The following CFAP46 variants were observed in gnomAD, a reference collection of about 807,000 sequenced individuals.
The protein encoded by CFAP46 is cilia and flagella associated protein 46, also known as cilia- and flagella-associated protein 46.
A neutral mutation model predicts 325.7 loss-of-function variants in CFAP46; 245 were observed. The observed-to-expected ratio is 0.75, with a 90% CI of 0.68 to 0.84. CFAP46 has a LOEUF of 0.84. Ranked by LOEUF, CFAP46 falls within the 40% of genes least tolerant of loss-of-function variation. The probability of loss-of-function intolerance (pLI) is 0.00; values close to 1 mark genes in which losing one functional copy is unlikely to be tolerated. For synonymous variants in CFAP46, 1,523 were observed against 1,495.9 expected (o/e 1.02, Z -0.42); for missense variants, 3,346 against 3,543.0 (o/e 0.94, Z 1.41).
At chr10:132,833,689 G>T (rs527933251) in intron 49 of CFAP46, among the ~76,000 whole-genome samples, 164 bp from the exon 50 acceptor site, 1 of 152,250 alleles carries the variant, frequency 6.6e-6, no homozygotes, top group Non-Finnish European at 1.5e-5. Flanking sequence ...ACGGGGCGAG[G>T]AACAGCCTCC....
rs141789421 is a variant in CFAP46, at chr10:132,851,205, G to A, written c.5675C>T (p.Ala1892Val). The change falls in exon 40 of 58, where the codon GCC becomes GTC. Residue 1892 changes from alanine (A) to valine (V), a missense_variant. Physicochemically the swap from Ala to Val is moderately conservative, Grantham distance 64 (BLOSUM62 0). Transcript: ENST00000368586. ...CCCCTGCTCACTCTGCTGCCCGTGG[G>A]CCTCCTCCCAGATGAACTGGAGCAT... is the stretch of plus-strand genomic sequence containing the variant. ...LDMLQFIWEE[A>V]HGQQSEQGSL... The A allele has an allele frequency of 3.0e-4, 478 of 1,614,098 alleles. 6 individuals carry two copies. The East Asian group carries it at 0.01, about 35-fold the overall frequency.
At chr10:132,922,380 A>T in intron 12 of CFAP46, 100 bp downstream of exon 12, 5 of 1,446,864 alleles carry the variant, frequency 3.5e-6, no homozygotes, top group Non-Finnish European at 4.6e-6. Flanking sequence ...TGCTTCAGGC[A>T]GCCCTGGGCG....
rs1848455140 is a variant in CFAP46 at position 132,847,280 on chromosome 10, C to T, written c.5994G>A (p.Glu1998=). ...KLSGLKSLEL[E]VEEEGATKSS... is the part of the protein sequence containing the mutation. ...ACTTTGTGGCACCCTCTTCCTCTAC[C>T]TCCAGCTCCAGAGACTTGAGGCCGC... is the stretch of plus-strand genomic sequence containing the variant. The change falls in exon 42 of 58, where the codon GAG becomes GAA. Residue 1998 remains glutamate, a synonymous_variant. Transcript: ENST00000368586. This position sits in a 1 kb window ranked among gnomAD's most constrained non-coding sequence, Gnocchi z 5.2. 10 of 1,613,476 alleles carry T rather than the reference C, an allele frequency of 6.2e-6. No individual in the cohort carries two copies. The Admixed American group carries it at 1.5e-4, about 24-fold the overall frequency.
In CFAP46 at chr10:132,878,085, A is replaced by G; in HGVS notation, c.4008T>C (p.Val1336=). Residue 1336 remains valine (V), a splice_region_variant and synonymous_variant, in exon 30 of 58, where the codon GTT becomes GTC. Transcript: ENST00000368586. The part of the protein sequence containing the change: ...AYAFFRHIWQ[V]SLMTAGKSVL... Reference sequence around the variant, plus strand: ...CTGATTTTCCTGCTGTCATCAAAGAAACCTGGTGGGGATGAAATCCACATT... The same window carrying G: ...CTGATTTTCCTGCTGTCATCAAAGAGACCTGGTGGGGATGAAATCCACATT... 1 of 1,548,906 alleles carries G rather than the reference A, an allele frequency of 6.5e-7. No homozygotes were observed. Among genetic ancestry groups the G allele is most frequent in the Non-Finnish European group, 8.7e-7 (1 of 1,146,132 alleles).
At chr10:132,868,069 C>A (rs996363601) in intron 33 of CFAP46, among the ~76,000 whole-genome samples, 1 of 152,118 alleles carries the variant, frequency 6.6e-6, no homozygotes, top group African/African-American at 2.4e-5. Context: ...GAGGTCAAGA[C>A]CCAGCAGGCC....
intron 25 of CFAP46, among the ~76,000 whole-genome samples, chr10:132,887,193 C>T (rs1849150465): frequency 1.1e-5 from 1 of 94,288 alleles, no homozygotes; most frequent in African/African-American, 6.5e-5. Context: ...TCTCTCTCTC[C>T]TCTCTCCTCT....
chr10:132,907,428 T>C (rs1369925716), intron 22 of CFAP46, among the ~76,000 whole-genome samples: 2 of 152,216 alleles, frequency 1.3e-5, no homozygotes, highest in Non-Finnish European at 2.9e-5. Context: ...GAGAATGTTC[T>C]GTGTCCAGCT....
At position 132,922,604 on chromosome 10, in the gene CFAP46, C is replaced by T. The variant is rs538355861; in HGVS notation, c.1361G>A (p.Arg454His). Residue 454 changes from arginine (R) to histidine (H), a missense_variant, in exon 12 of 58, where the codon CGC becomes CAC. Transcript: ENST00000368586. ...CCGGTAGAGGCCCAGGCTGTCCAGG[C>T]GCGCGGCTTTCCGGAGGTGCTCCGT... ...PATEHLRKAA[R>H]LDSLGLYRDR... 1.1e-4 allele frequency: 171 copies of T among 1,549,298 alleles called. 1 individual carries two copies. The highest frequency in any genetic ancestry group is 1.0e-3 in the Middle Eastern group (6 of 5,924).
intron 44 of CFAP46, among the ~76,000 whole-genome samples, chr10:132,838,029 C>T (rs1264435513): frequency 6.6e-6 from 1 of 152,000 alleles, no homozygotes; most frequent in Non-Finnish European, 1.5e-5. Context: ...GCCGTGCCCC[C>T]ATGCTCCCCT....
intron 44 of CFAP46, 141 bp downstream of exon 44, chr10:132,845,916 C>T (rs570175596): frequency 5.3e-6 from 5 of 947,674 alleles, no homozygotes; most frequent in Admixed American, 2.6e-5. Context: ...GTGCACATGG[C>T]TGGGGGCACG....
At position 132,832,393 on chromosome 10, in the gene CFAP46, C is replaced by A. The variant is rs55671404; in HGVS notation, c.7117+965G>T. Among the ~76,000 whole-genome samples the A allele has an allele frequency of 3.6e-3, 498 of 139,380 alleles. 12 individuals carry two copies. Among genetic ancestry groups the A allele is most frequent in the Admixed American group, 5.4e-3 (77 of 14,258 alleles). The allele number at this position is 139,380 out of a possible 152,430, so 91.4% of individuals were successfully genotyped here. ...GAGACCCCTGGGCTCTTCCTGCCCC[C>A]CCCCCCCAATGCTGTGGCCTGGAAA... On this transcript the variant is annotated intron_variant, in intron 50 of 57. Transcript: ENST00000368586. The surrounding 1 kb of genome is among the most constrained non-coding windows in gnomAD (Gnocchi z 4.1).
intron 46 of CFAP46, among the ~76,000 whole-genome samples, chr10:132,835,925 T>C (rs1848234546): frequency 1.4e-5 from 1 of 73,186 alleles, no homozygotes; most frequent in South Asian, 7.3e-4. Context: ...CCCCTCCCCC[T>C]GCTCCTGCCC....
intron 22 of CFAP46, among the ~76,000 whole-genome samples, chr10:132,905,318 C>T (rs1849441601): frequency 6.6e-6 from 1 of 152,188 alleles, no homozygotes; most frequent in South Asian, 2.1e-4. Context: ...TCTGTCTCCC[C>T]GCCCTCCCCA....
At chr10:132,824,841 T>C (rs1157826469) in intron 50 of CFAP46, among the ~76,000 whole-genome samples, 1 of 141,190 alleles carries the variant, frequency 7.1e-6, no homozygotes, top group African/African-American at 2.7e-5. Flanking sequence ...GTGTGCTGTG[T>C]GAGCGCTGAT....
Position 132,889,202 on chromosome 10 carries a change from C to T in CFAP46, c.3304+3131G>A, listed in dbSNP as rs1042026888. On this transcript the variant is annotated intron_variant, in intron 25 of 57. Coordinates refer to ENST00000368586, the MANE Select transcript of CFAP46 (RefSeq NM_001200049.3). The surrounding 1 kb of genome is among the most constrained non-coding windows in gnomAD (Gnocchi z 6.0). ...GCCCCGTCATGCTATCAGCAGGACC[C>T]GCCTCTGGTGCCAGCACCTGGACCA... Among the ~76,000 whole-genome samples, 1 of 152,336 alleles carries T rather than the reference C, an allele frequency of 6.6e-6. No homozygotes were observed. Among genetic ancestry groups the T allele is most frequent in the East Asian group, 1.9e-4 (1 of 5,186 alleles).
Position 132,832,057 on chromosome 10 carries a change from C to T in CFAP46, c.7117+1301G>A, listed in dbSNP as rs187078308. ...CCCTCCCTCTCATCTTTTGTGCTGT[C>T]GTCATTCATTTCACATTTATGTTAT... On this transcript the variant is annotated intron_variant, in intron 50 of 57. Transcript: ENST00000368586. This position sits in a 1 kb window ranked among gnomAD's most constrained non-coding sequence, Gnocchi z 4.1. Among the ~76,000 whole-genome samples, 7 of 152,244 alleles carry T rather than the reference C, an allele frequency of 4.6e-5. No homozygotes were observed. Among genetic ancestry groups the T allele is most frequent in the Non-Finnish European group, 5.9e-5 (4 of 68,016 alleles).
intron 44 of CFAP46, among the ~76,000 whole-genome samples, chr10:132,844,486 G>C (rs973259189): frequency 2.0e-5 from 3 of 152,140 alleles, no homozygotes; most frequent in Non-Finnish European, 4.4e-5. Context: ...TGCTGCGGTG[G>C]GCCTGCTGTG....
At position 132,808,406 on chromosome 10, in the gene CFAP46, T is replaced by C; in HGVS notation, c.*15A>G. 6.3e-7 allele frequency: 1 copy of C among 1,589,098 alleles called. No individual in the cohort carries two copies. Among genetic ancestry groups the C allele is most frequent in the Non-Finnish European group, 8.6e-7 (1 of 1,162,404 alleles). Reference sequence around the variant, plus strand: ...CTCACAGAGACTGGCTTTTGTTGTTTGTTTAGTGGAACACTCAAATCAAAA... The same window carrying C: ...CTCACAGAGACTGGCTTTTGTTGTTCGTTTAGTGGAACACTCAAATCAAAA... On this transcript the variant is annotated 3_prime_UTR_variant, in exon 58 of 58. Coordinates refer to ENST00000368586, the MANE Select transcript of CFAP46 (RefSeq NM_001200049.3). The surrounding 1 kb of genome is among the most constrained non-coding windows in gnomAD (Gnocchi z 6.8).
At chr10:132,883,945 A>C (rs1385338168) in intron 27 of CFAP46, among the ~76,000 whole-genome samples, 1 of 152,116 alleles carries the variant, frequency 6.6e-6, no homozygotes, top group African/African-American at 2.4e-5. Flanking sequence ...AAACCTTCTA[A>C]AATTGTGTGT....
Sources: gnomAD v4.1 joint callset for allele counts (sites outside exome capture counted in the v4.1 genomes callset) on GRCh38, gnomAD v4.1.1 for gene constraint, Gnocchi (gnomAD v3.1) non-coding constraint, MANE v1.5 for transcripts, NCBI Gene and HGNC (gene_info 2026-07-23, HGNC 2026-07-21) for gene names.